The following PICALM variants were observed in gnomAD, a reference collection of about 807,000 sequenced individuals.
The protein encoded by PICALM is phosphatidylinositol-binding clathrin assembly protein.
A neutral mutation model predicts 80.5 loss-of-function variants in PICALM; 40 were observed. The ratio of observed to expected loss-of-function variants is 0.50; its 90% CI spans 0.39 to 0.65. PICALM has a LOEUF of 0.65. PICALM is among the 30% of genes least tolerant of loss of function. The pLI is 0.00. For synonymous variants in PICALM, 288 were observed against 260.3 expected, an observed-to-expected ratio of 1.11 and a Z score of -1.02; for missense variants, 676 against 778.9, an observed-to-expected ratio of 0.87 and a Z score of 1.57.
rs1271722736 is a variant in PICALM at position 86,007,586 on chromosome 11, G to GT, written c.766-4dup. 3 of 1,466,536 alleles carry GT rather than the reference G, an allele frequency of 2.0e-6. No individual in the cohort carries two copies. The highest frequency in any genetic ancestry group is 2.8e-6 in the Non-Finnish European group (3 of 1,060,528). The allele number at this position is 1,466,536 out of a possible 1,614,324, so 90.8% of individuals were successfully genotyped here. Reference sequence around the variant, plus strand: ...TCACCTCTGTCAATTCCAACTTGCTGTAAGAAAAGCATTGTATTTAATAAA... The same window carrying GT: ...TCACCTCTGTCAATTCCAACTTGCTGTTAAGAAAAGCATTGTATTTAATAAA... On this transcript the variant is annotated splice_region_variant and splice_polypyrimidine_tract_variant and intron_variant, in intron 7 of 19. Coordinates refer to ENST00000393346, the MANE Select transcript of PICALM (RefSeq NM_007166.4).
intron 1 of PICALM, among the ~76,000 whole-genome samples, chr11:86,051,201 A>G (rs181565251): frequency 3.7e-3 from 567 of 152,364 alleles, no homozygotes; most frequent in Non-Finnish European, 5.5e-3. Flanking sequence ...GACCAAGCCT[A>G]CAACAAAAAA....
chr11:85,988,702 G>A (rs1438705060), intron 13 of PICALM, among the ~76,000 whole-genome samples: 3 of 151,812 alleles, frequency 2.0e-5, no homozygotes, highest in South Asian at 2.1e-4. Flanking sequence ...GAGAAGAGGA[G>A]GAACAGTTAT....
At chr11:85,979,379 A>G (rs1284193162) in intron 17 of PICALM, among the ~76,000 whole-genome samples, 1 of 151,766 alleles carries the variant, frequency 6.6e-6, no homozygotes, top group African/African-American at 2.4e-5. Flanking sequence ...AATCCCAGCT[A>G]CTCGGGAGGC....
intron 13 of PICALM, among the ~76,000 whole-genome samples, chr11:85,988,713 G>A (rs1413316588): frequency 1.3e-5 from 2 of 152,140 alleles, no homozygotes; most frequent in Non-Finnish European, 2.9e-5. Flanking sequence ...GAACAGTTAT[G>A]AGTGGGATGG....
chr11:86,060,769 T>C (rs1030414252), intron 1 of PICALM, among the ~76,000 whole-genome samples: 2 of 151,294 alleles, frequency 1.3e-5, no homozygotes, highest in African/African-American at 4.9e-5. Flanking sequence ...AGACAGACAT[T>C]ACACTCACAA....
At chr11:85,969,685 A>G (rs2135462458) in intron 19 of PICALM, 1 of 412,250 alleles carries the variant, frequency 2.4e-6, no homozygotes, top group East Asian at 7.8e-5. Flanking sequence ...TAAACAGTTT[A>G]CTTTTTTCTT....
At chr11:86,059,093 G>C (rs914076318) in intron 1 of PICALM, among the ~76,000 whole-genome samples, 1 of 152,128 alleles carries the variant, frequency 6.6e-6, no homozygotes, top group Non-Finnish European at 1.5e-5. Context: ...CAATGTTACT[G>C]ACTCTATATA....
chr11:86,058,749 T>A (rs531642089), intron 1 of PICALM, among the ~76,000 whole-genome samples: 1 of 152,308 alleles, frequency 6.6e-6, no homozygotes, highest in Non-Finnish European at 1.5e-5. Flanking sequence ...TCCCTTCTTA[T>A]ATCAAAAATG....
At chr11:86,021,063 A>C (rs2095554562) in intron 4 of PICALM, among the ~76,000 whole-genome samples, 1 of 152,212 alleles carries the variant, frequency 6.6e-6, no homozygotes, top group Non-Finnish European at 1.5e-5. Flanking sequence ...AAAAATGAGC[A>C]AAAGGCCAGG....
intron 1 of PICALM, among the ~76,000 whole-genome samples, chr11:86,062,914 G>C (rs773600160): frequency 1.2e-4 from 18 of 152,144 alleles, no homozygotes; most frequent in Non-Finnish European, 1.8e-4. Context: ...AAAAGAACAG[G>C]AAGAGCAAAT....
chr11:86,057,706 G>T (rs12280026), intron 1 of PICALM, among the ~76,000 whole-genome samples: 4,369 of 152,206 alleles, frequency 0.029, 219 homozygotes, highest in African/African-American at 0.1. Context: ...AACATGCGCA[G>T]ACATTTTTCC....
chr11:85,974,248 A>C (rs1200940859), intron 19 of PICALM, among the ~76,000 whole-genome samples: 1 of 152,222 alleles, frequency 6.6e-6, no homozygotes, highest in Non-Finnish European at 1.5e-5. Flanking sequence ...TCAGTGGCAG[A>C]AAGTTATCTA....
intron 4 of PICALM, among the ~76,000 whole-genome samples, chr11:86,015,965 A>G (rs2095475033): frequency 6.6e-6 from 1 of 152,198 alleles, no homozygotes; most frequent in Non-Finnish European, 1.5e-5. Context: ...CAAATACTAG[A>G]CTGCCTTAAG....
intron 1 of PICALM, among the ~76,000 whole-genome samples, chr11:86,049,904 T>G (rs1192140365): frequency 6.6e-6 from 1 of 151,272 alleles, no homozygotes; most frequent in African/African-American, 2.4e-5. Context: ...TAAAGATTAT[T>G]CTAAACTACA....
intron 8 of PICALM, among the ~76,000 whole-genome samples, chr11:86,005,579 C>A (rs1415817405): frequency 3.9e-5 from 6 of 152,000 alleles, no homozygotes; most frequent in Admixed American, 2.0e-4. Flanking sequence ...GTGGCATATG[C>A]CTGTGGTCCC....
intron 13 of PICALM, among the ~76,000 whole-genome samples, chr11:85,989,542 TCAG>T (rs1260838405): frequency 6.6e-6 from 1 of 152,176 alleles, no homozygotes; most frequent in Non-Finnish European, 1.5e-5. Flanking sequence ...AGCATCTTTT[TCAG>T]CAGAATTCAA....
At chr11:86,005,710 T>C (rs1436284336) in intron 8 of PICALM, among the ~76,000 whole-genome samples, 2 of 144,382 alleles carry the variant, frequency 1.4e-5, no homozygotes, top group Admixed American at 7.1e-5. Context: ...ATCTTTTCTC[T>C]CCCTCCCCCA....
At chr11:85,960,702 A>C in intron 19 of PICALM, 3 of 1,316,954 alleles carry the variant, frequency 2.3e-6, no homozygotes, top group Non-Finnish European at 3.0e-6. Flanking sequence ...AAATCCTCCA[A>C]AGAGAGCTCT....
rs550137757 is a variant in PICALM at position 86,058,766 on chromosome 11, C to T, written c.130+9885G>A. Among the ~76,000 whole-genome samples the T allele has an allele frequency of 3.3e-5, 5 of 152,258 alleles. No homozygotes were observed. In the East Asian group the frequency reaches 7.7e-4, roughly 23 times the overall value. The stretch of plus-strand genomic sequence containing the variant: ...CCTTCTTATATCAAAAATGAGTCTA[C>T]TGTACAGTTATACTCTAGGAGGCAC... On this transcript the variant is annotated intron_variant, in intron 1 of 19. Transcript: ENST00000393346.
Sources: gnomAD v4.1 joint callset for allele counts (sites outside exome capture counted in the v4.1 genomes callset) on GRCh38, gnomAD v4.1.1 for gene constraint, MANE v1.5 for transcripts, NCBI Gene and HGNC (gene_info 2026-07-23, HGNC 2026-07-21) for gene names.